The following DPF3 variants were observed in gnomAD, a reference collection of about 807,000 sequenced individuals.
The protein encoded by DPF3 is double PHD fingers 3.
DPF3 carries 18 observed loss-of-function variants against 56.8 expected under a neutral mutation model. The ratio of observed to expected loss-of-function variants is 0.32; its 90% CI spans 0.22 to 0.47. DPF3 has a LOEUF of 0.47. Among genes scored for constraint, DPF3 ranks in the 20% least tolerant of loss-of-function variants. The probability of loss-of-function intolerance (pLI) is 1.00; values close to 1 mark genes in which losing one functional copy is unlikely to be tolerated. For synonymous variants in DPF3, 188 were observed against 180.2 expected (o/e 1.04, Z -0.35); for missense variants, 403 against 488.8 (o/e 0.82, Z 1.65).
At position 72,648,687 on chromosome 14, in the gene DPF3, C is replaced by T. The variant is rs1020057872; in HGVS notation, c.872-18951G>A. Among the ~76,000 whole-genome samples, 4 of 152,120 alleles carry T rather than the reference C, an allele frequency of 2.6e-5. No individual in the cohort carries two copies. The South Asian group carries it at 8.3e-4, about 32-fold the overall frequency. On this transcript the variant is annotated intron_variant, in intron 8 of 10. Transcript: ENST00000556509. ...TCCTATTACCGGGAATGAACGGTCT[C>T]AGCTCCTAACCCAAAGCCGACTGGC...
Position 72,611,642 on chromosome 14 carries a change from CTG to C in DPF3, c.*7653_*7654del, listed in dbSNP as rs1203030535. Among the ~76,000 whole-genome samples the C allele has an allele frequency of 6.6e-6, 1 of 152,180 alleles. No homozygotes were observed. The highest frequency in any genetic ancestry group is 1.5e-5 in the Non-Finnish European group (1 of 68,038). On this transcript the variant is annotated 3_prime_UTR_variant, in exon 11 of 11. Coordinates refer to ENST00000556509, the MANE Select transcript of DPF3 (RefSeq NM_001280542.3). ...CCACCCCAGAAACCCACAAGCAGCTCTGGGGACACTGGCTGCCCAACACACTC... is the reference window on the plus strand; with the variant it reads ...CCACCCCAGAAACCCACAAGCAGCTCGGGACACTGGCTGCCCAACACACTC...
At chr14:72,694,009 G>C (rs1488299351) in intron 6 of DPF3, among the ~76,000 whole-genome samples, 1 of 152,208 alleles carries the variant, frequency 6.6e-6, no homozygotes, top group Non-Finnish European at 1.5e-5. Context: ...GCTCTCACAA[G>C]TACTACCTCT....
intron 8 of DPF3, among the ~76,000 whole-genome samples, chr14:72,657,005 C>T (rs1340598987): frequency 6.6e-6 from 1 of 152,196 alleles, no homozygotes; most frequent in Non-Finnish European, 1.5e-5. Context: ...ATCTTCTCCA[C>T]CATCCAAGGA....
At chr14:72,724,638 G>C (rs1190875837) in intron 4 of DPF3, among the ~76,000 whole-genome samples, 2 of 151,958 alleles carry the variant, frequency 1.3e-5, no homozygotes, top group Admixed American at 1.3e-4. Context: ...CCCCACAATG[G>C]GAGTAGGAAA....
intron 1 of DPF3, among the ~76,000 whole-genome samples, chr14:72,850,565 A>C (rs935856440): frequency 6.6e-6 from 1 of 152,174 alleles, no homozygotes; most frequent in Admixed American, 6.5e-5. Context: ...CAGTCACTGC[A>C]CTCATCCATG....
intron 8 of DPF3, among the ~76,000 whole-genome samples, chr14:72,634,895 T>C (rs1239545622): frequency 6.6e-6 from 1 of 152,094 alleles, no homozygotes; most frequent in Non-Finnish European, 1.5e-5. Flanking sequence ...ATTACCAAAA[T>C]GAATTTAGAA....
At chr14:72,847,918 G>A (rs1884825155) in intron 1 of DPF3, among the ~76,000 whole-genome samples, 1 of 152,178 alleles carries the variant, frequency 6.6e-6, no homozygotes, top group South Asian at 2.1e-4. Context: ...GCCAGGTGTG[G>A]CCATGGGCCT....
intron 8 of DPF3, chr14:72,670,706 A>C: frequency 1.0e-6 from 1 of 999,636 alleles, no homozygotes; most frequent in South Asian, 4.3e-5. Flanking sequence ...ATAAATAATA[A>C]TGTTTTAATG....
At chr14:72,769,133 A>C (rs1327631881) in intron 2 of DPF3, among the ~76,000 whole-genome samples, 1 of 152,214 alleles carries the variant, frequency 6.6e-6, no homozygotes, top group African/African-American at 2.4e-5. Flanking sequence ...CTTAAAAAGA[A>C]AAAGAAAAAA....
At chr14:72,629,547 C>A in intron 9 of DPF3, 77 bp downstream of exon 9, 3 of 1,362,338 alleles carry the variant, frequency 2.2e-6, no homozygotes, top group Non-Finnish European at 3.0e-6. Context: ...TGACAAGAGT[C>A]CTTCCTTCCT....
intron 8 of DPF3, among the ~76,000 whole-genome samples, chr14:72,657,773 G>A (rs1379175989): frequency 1.3e-5 from 2 of 152,152 alleles, no homozygotes; most frequent in South Asian, 4.1e-4. Context: ...GCCCATTCCT[G>A]TACATATCCT....
At chr14:72,683,326 CAAAAAAAAAA>C (rs56087517) in intron 7 of DPF3, among the ~76,000 whole-genome samples, 1 of 79,602 alleles carries the variant, frequency 1.3e-5, no homozygotes, top group East Asian at 3.6e-4. Flanking sequence ...GACCCCATCT[CAAAAAAAAAA>C]AAAAAAAAAG....
intron 3 of DPF3, among the ~76,000 whole-genome samples, chr14:72,749,054 G>C (rs1890445306): frequency 6.6e-6 from 1 of 152,218 alleles, no homozygotes; most frequent in African/African-American, 2.4e-5. Context: ...CCAGATCCCA[G>C]AATGGTAGAT....
chr14:72,809,262 G>C (rs1205365393), intron 1 of DPF3, among the ~76,000 whole-genome samples: 1 of 152,232 alleles, frequency 6.6e-6, no homozygotes, highest in African/African-American at 2.4e-5. Context: ...CCAGTTCCTG[G>C]TATTCCATTA....
At chr14:72,842,737 T>C (rs984764165) in intron 1 of DPF3, among the ~76,000 whole-genome samples, 2 of 152,134 alleles carry the variant, frequency 1.3e-5, no homozygotes, top group Admixed American at 1.3e-4. Context: ...ATAAACATGA[T>C]TGTGAGCTGG....
chr14:72,737,595 A>C (rs1450077074), intron 3 of DPF3, among the ~76,000 whole-genome samples: 1 of 152,362 alleles, frequency 6.6e-6, no homozygotes, highest in Middle Eastern at 3.4e-3. Context: ...TTATAATAAA[A>C]TATGCCATAT....
At chr14:72,729,736 C>T (rs760795778) in intron 4 of DPF3, among the ~76,000 whole-genome samples, 7 of 152,046 alleles carry the variant, frequency 4.6e-5, no homozygotes, top group Admixed American at 3.9e-4. Flanking sequence ...ACTATGGAGA[C>T]GGGGAAACGG....
chr14:72,829,813 T>G (rs984937137), intron 1 of DPF3, among the ~76,000 whole-genome samples: 6 of 151,140 alleles, frequency 4.0e-5, no homozygotes, highest in Non-Finnish European at 8.8e-5. Flanking sequence ...GCGTGATCTC[T>G]GCTCATTGCA....
chr14:72,721,841 A>C (rs994254792), intron 5 of DPF3, among the ~76,000 whole-genome samples: 2 of 152,202 alleles, frequency 1.3e-5, no homozygotes, highest in African/African-American at 4.8e-5. Context: ...GAAAGACATT[A>C]AATACCACCC....
Sources: allele counts gnomAD v4.1 joint callset (sites outside exome capture counted in the v4.1 genomes callset), GRCh38; gene constraint gnomAD v4.1.1; transcripts MANE v1.5; gene names NCBI Gene and HGNC (gene_info 2026-07-23, HGNC 2026-07-21).